The following TRPC1 variants were observed in gnomAD, a reference collection of about 807,000 sequenced individuals.
TRPC1 encodes the protein short transient receptor potential channel 1.
In TRPC1, 42 loss-of-function variants were observed where a neutral mutation model predicts 88.2. The ratio of observed to expected loss-of-function variants is 0.48; its 90% CI spans 0.37 to 0.62. The LOEUF is 0.62. TRPC1 is among the 20% of genes least tolerant of loss of function. The pLI is 0.00. For synonymous variants in TRPC1, 288 were observed against 331.8 expected, an observed-to-expected ratio of 0.87 and a Z score of 1.43; for missense variants, 699 against 957.3, an observed-to-expected ratio of 0.73 and a Z score of 3.56.
In TRPC1 at chr3:142,806,906, A is replaced by G. The variant is rs1936811026; in HGVS notation, c.*671A>G. ...GTTTTTTTCACTTAATATTTTATAT[A>G]TACATTTCCATGTATTGATGTAGTT... On this transcript the variant is annotated 3_prime_UTR_variant, in exon 13 of 13. Transcript: ENST00000476941. 6.6e-6 allele frequency: 1 copy of G among 152,014 alleles called. No individual in the cohort carries two copies. Among genetic ancestry groups the G allele is most frequent in the Non-Finnish European group, 1.5e-5 (1 of 67,958 alleles). The allele number at this position is 152,014 out of a possible 1,614,324, so 9.4% of individuals were successfully genotyped here.
chr3:142,800,390 C>T (rs1010130268), intron 9 of TRPC1, among the ~76,000 whole-genome samples: 3 of 152,026 alleles, frequency 2.0e-5, no homozygotes, highest in Non-Finnish European at 4.4e-5. Context: ...TTGTGGCGTG[C>T]CTAAGAATTT....
intron 4 of TRPC1, among the ~76,000 whole-genome samples, chr3:142,764,016 A>ATAT (rs1935300275): frequency 2.9e-5 from 4 of 137,648 alleles, no homozygotes; most frequent in African/African-American, 1.2e-4. Context: ...ATATATATAT[A>ATAT]ACAAATTATT....
intron 4 of TRPC1, among the ~76,000 whole-genome samples, chr3:142,766,501 A>G (rs764007803): frequency 2.6e-5 from 4 of 151,748 alleles, no homozygotes; most frequent in Middle Eastern, 3.4e-3. Context: ...CCTGGGTTCA[A>G]GCCATCTTCC....
rs1185746698 is a variant in TRPC1, at chr3:142,725,021, T to C, written c.172+290T>C. Among the ~76,000 whole-genome samples the C allele has an allele frequency of 3.3e-5, 5 of 152,256 alleles. No individual in the cohort carries two copies. In the East Asian group the frequency reaches 9.7e-4, roughly 29 times the overall value. On this transcript the variant is annotated intron_variant, in intron 1 of 12. Coordinates refer to ENST00000476941, the MANE Select transcript of TRPC1 (RefSeq NM_001251845.2). ...GCCTTGGGAGCCCCGACCCCAGCGT[T>C]TTAGCGCCGCCCTTGCTACTGACCG... is the stretch of plus-strand genomic sequence containing the variant.
chr3:142,752,227 G>C (rs1934791000), intron 4 of TRPC1, among the ~76,000 whole-genome samples: 1 of 152,174 alleles, frequency 6.6e-6, no homozygotes, highest in African/African-American at 2.4e-5. Context: ...AGTTTTTATT[G>C]ATTATTATTT....
intron 1 of TRPC1, among the ~76,000 whole-genome samples, chr3:142,726,438 A>G (rs541527286): frequency 6.6e-6 from 1 of 152,232 alleles, no homozygotes; most frequent in Non-Finnish European, 1.5e-5. Flanking sequence ...ATTCTTTGTC[A>G]GTTTTTTATT....
intron 4 of TRPC1, among the ~76,000 whole-genome samples, chr3:142,757,430 T>C (rs992639894): frequency 1.2e-4 from 19 of 152,026 alleles, no homozygotes; most frequent in African/African-American, 4.6e-4. Flanking sequence ...ATAGACTGGA[T>C]AAAGAAAATG....
Position 142,784,928 on chromosome 3 carries a change from C to A in TRPC1, c.1185C>A (p.Phe395Leu). Residue 395 changes from phenylalanine to leucine, a missense_variant, in exon 7 of 13, where the codon TTC (phenylalanine) becomes TTA (leucine). Phe to Leu is a conservative substitution (Grantham distance 22, BLOSUM62 0). This residue lies in a region of TRPC1 where 426 missense variants were observed against 641.3 expected (regional missense o/e 0.66). Transcript: ENST00000476941. ...TTATCATTCATGGAGCATCATATTT[C>A]ACATTTCTGCTGTTGCTTAATCTAT... ...MKFIIHGASY[F>L]TFLLLLNLYS... The A allele has an allele frequency of 6.2e-7, 1 of 1,614,010 alleles. No individual in the cohort carries two copies.
At chr3:142,790,973 A>G in intron 7 of TRPC1, 46 bp from the exon 8 acceptor site, 1 of 1,443,132 alleles carries the variant, frequency 6.9e-7, no homozygotes, top group Non-Finnish European at 9.2e-7. Context: ...TAGTTTATTT[A>G]TTGAATTAAG....
intron 9 of TRPC1, among the ~76,000 whole-genome samples, chr3:142,797,251 C>G (rs1936482787): frequency 6.7e-6 from 1 of 148,834 alleles, no homozygotes; most frequent in Non-Finnish European, 1.5e-5. Context: ...CCCTAAAGTT[C>G]CTCCCCTTCC....
rs1936326433 is a variant in TRPC1, at chr3:142,792,687, C to T, written c.1438-137C>T. On this transcript the variant is annotated intron_variant, in intron 8 of 12. Transcript: ENST00000476941. The surrounding 1 kb of genome is among the most constrained non-coding windows in gnomAD (Gnocchi z 4.0). Reference sequence around the variant, plus strand: ...AAATATTATTTCTATTTTTAAAAAACCCTATAAAACATAAGTGGAGATCCC... The same window carrying T: ...AAATATTATTTCTATTTTTAAAAAATCCTATAAAACATAAGTGGAGATCCC... 14 of 618,490 alleles carry T rather than the reference C, an allele frequency of 2.3e-5. No homozygotes were observed. The South Asian group carries it at 7.1e-4, about 31-fold the overall frequency. 38.3% of individuals were successfully genotyped at this position (618,490 alleles called of 1,614,324 possible).
chr3:142,753,506 C>T (rs994382637), intron 4 of TRPC1, among the ~76,000 whole-genome samples: 1 of 152,104 alleles, frequency 6.6e-6, no homozygotes. Context: ...TGGCTCACGC[C>T]TGTAATCCTA....
chr3:142,804,392 T>C, intron 11 of TRPC1, 44 bp from the exon 12 acceptor site: 1 of 1,512,778 alleles, frequency 6.6e-7, no homozygotes. Context: ...TATTTGTGTG[T>C]GTATTAATAT....
At chr3:142,745,583 G>A (rs1251659937) in intron 3 of TRPC1, among the ~76,000 whole-genome samples, 1 of 152,124 alleles carries the variant, frequency 6.6e-6, no homozygotes, top group Non-Finnish European at 1.5e-5. Context: ...GGTGGAGGTT[G>A]CAGTGAGCTG....
intron 4 of TRPC1, among the ~76,000 whole-genome samples, chr3:142,757,971 A>G (rs1048150192): frequency 6.6e-5 from 10 of 152,132 alleles, no homozygotes; most frequent in African/African-American, 2.4e-4. Context: ...AAACAATCCA[A>G]TTATACTCTT....
intron 9 of TRPC1, among the ~76,000 whole-genome samples, chr3:142,793,353 AT>A (rs1326927845): frequency 6.6e-6 from 1 of 152,120 alleles, no homozygotes; most frequent in African/African-American, 2.4e-5. Flanking sequence ...GCAAACAAAA[AT>A]AATCATATTT....
Position 142,803,964 on chromosome 3 carries a change from A to C in TRPC1, c.1758-13A>C. The C allele has an allele frequency of 2.5e-6, 4 of 1,610,720 alleles. No homozygotes were observed. The highest frequency in any genetic ancestry group is 3.4e-6 in the Non-Finnish European group (4 of 1,177,590). Reference sequence around the variant, plus strand: ...TAATTGCCTTTTAAACAGAAATGCAATTGTCTTTACAGGTTCATTGGCACC... The same window carrying C: ...TAATTGCCTTTTAAACAGAAATGCACTTGTCTTTACAGGTTCATTGGCACC... On this transcript the variant is annotated splice_polypyrimidine_tract_variant and intron_variant, in intron 10 of 12. Transcript: ENST00000476941.
At chr3:142,802,771 T>C (rs1359810345) in intron 10 of TRPC1, among the ~76,000 whole-genome samples, 1 of 152,050 alleles carries the variant, frequency 6.6e-6, no homozygotes, top group Non-Finnish European at 1.5e-5. Flanking sequence ...TTGAGAATCA[T>C]TAGAACTTCA....
At chr3:142,725,154 G>C (rs1933624085) in intron 1 of TRPC1, among the ~76,000 whole-genome samples, 1 of 152,200 alleles carries the variant, frequency 6.6e-6, no homozygotes, top group African/African-American at 2.4e-5. Flanking sequence ...ACCTTAGGAT[G>C]CCTCGTATGG....
Sources: gnomAD v4.1 joint callset for allele counts (sites outside exome capture counted in the v4.1 genomes callset) on GRCh38, gnomAD v4.1.1 for gene constraint, gnomAD v4.1.1 regional missense constraint, Gnocchi (gnomAD v3.1) non-coding constraint, MANE v1.5 for transcripts, NCBI Gene and HGNC (gene_info 2026-07-23, HGNC 2026-07-21) for gene names.